The following PEBP4 variants were observed in gnomAD, a reference collection of about 807,000 sequenced individuals.
PEBP4 encodes phosphatidylethanolamine-binding protein 4.
In PEBP4, 22 loss-of-function variants were observed where a neutral mutation model predicts 23.9. The ratio of observed to expected loss-of-function variants is 0.92; its 90% CI spans 0.66 to 1.31. The LOEUF (loss-of-function observed/expected upper bound fraction) is 1.31. Among genes scored for constraint, PEBP4 ranks in the 40% most tolerant of loss-of-function variants. The probability of loss-of-function intolerance (pLI) is 0.00; values close to 1 mark genes in which losing one functional copy is unlikely to be tolerated. For missense variants in PEBP4, 324 were observed against 281.7 expected (o/e 1.15, Z -1.07); for synonymous variants, 112 against 99.3 (o/e 1.13, Z -0.76).
chr8:22,838,916 A>G (rs746020556), intron 3 of PEBP4, among the ~76,000 whole-genome samples: 2 of 152,220 alleles, frequency 1.3e-5, no homozygotes, highest in Non-Finnish European at 2.9e-5. Flanking sequence ...GTCCAGGTTA[A>G]CATGTAGCAT....
At chr8:22,919,688 G>C (rs1357443511) in intron 3 of PEBP4, among the ~76,000 whole-genome samples, 3 of 152,164 alleles carry the variant, frequency 2.0e-5, no homozygotes, top group Non-Finnish European at 4.4e-5. Flanking sequence ...ACAACAAAGC[G>C]TCAAGATGCA....
intron 3 of PEBP4, among the ~76,000 whole-genome samples, chr8:22,898,525 C>T (rs1224009828): frequency 6.6e-6 from 1 of 151,310 alleles, no homozygotes; most frequent in Admixed American, 6.6e-5. Context: ...CCATCAGTGG[C>T]TCAATCTAAT....
At chr8:22,837,640 AT>A (rs1362028534) in intron 3 of PEBP4, among the ~76,000 whole-genome samples, 1 of 152,104 alleles carries the variant, frequency 6.6e-6, no homozygotes, top group Non-Finnish European at 1.5e-5. Context: ...CTCCAGTGTG[AT>A]TCTTGCTTCC....
intron 3 of PEBP4, among the ~76,000 whole-genome samples, chr8:22,892,433 G>C (rs182004398): frequency 2.0e-5 from 3 of 152,262 alleles, no homozygotes; most frequent in African/African-American, 7.2e-5. Flanking sequence ...GGCCAGTTTG[G>C]TGGCTTCATT....
intron 2 of PEBP4, among the ~76,000 whole-genome samples, chr8:22,925,623 C>A (rs1373118942): frequency 6.6e-6 from 1 of 152,144 alleles, no homozygotes; most frequent in Non-Finnish European, 1.5e-5. Context: ...CACCAGGGCA[C>A]CAACATGTGA....
intron 6 of PEBP4, among the ~76,000 whole-genome samples, chr8:22,723,228 T>G (rs1336839101): frequency 2.0e-5 from 3 of 152,094 alleles, no homozygotes; most frequent in Non-Finnish European, 4.4e-5. Context: ...CCTTGCCTGG[T>G]CACCAACATC....
At chr8:22,756,765 C>G (rs1805391532) in intron 4 of PEBP4, among the ~76,000 whole-genome samples, 1 of 152,126 alleles carries the variant, frequency 6.6e-6, no homozygotes, top group South Asian at 2.1e-4. Context: ...TTCGGCTTGC[C>G]AAGGCTGGGA....
chr8:22,874,321 T>C (rs1025519871), intron 3 of PEBP4, among the ~76,000 whole-genome samples: 4 of 152,210 alleles, frequency 2.6e-5, no homozygotes, highest in African/African-American at 4.8e-5. Context: ...GGATTCATCA[T>C]TGACACTCAA....
At chr8:22,730,451 G>A (rs1804707637) in intron 4 of PEBP4, among the ~76,000 whole-genome samples, 1 of 152,258 alleles carries the variant, frequency 6.6e-6, no homozygotes, top group Non-Finnish European at 1.5e-5. Flanking sequence ...TGAGCTGGGA[G>A]GATCACCTGA....
At chr8:22,748,217 G>A (rs1167879890) in intron 4 of PEBP4, among the ~76,000 whole-genome samples, 1 of 152,122 alleles carries the variant, frequency 6.6e-6, no homozygotes, top group Admixed American at 6.5e-5. Flanking sequence ...AGGGGGCTGC[G>A]CTCAGGCTGC....
chr8:22,739,534 C>G (rs1444402173), intron 4 of PEBP4, among the ~76,000 whole-genome samples: 1 of 152,150 alleles, frequency 6.6e-6, no homozygotes, highest in Non-Finnish European at 1.5e-5. Flanking sequence ...CTCTCTAACT[C>G]CGGCTGGACA....
rs1807880560 is a variant in PEBP4, at chr8:22,865,704, C to G, written c.259-47969G>C. 6.6e-6 allele frequency among the ~76,000 whole-genome samples: 1 copy of G among 152,112 alleles called. No individual in the cohort carries two copies. The highest frequency in any genetic ancestry group is 1.5e-5 in the Non-Finnish European group (1 of 67,982). On this transcript the variant is annotated intron_variant, in intron 3 of 6. Transcript: ENST00000256404. The surrounding 1 kb of genome is among the most constrained non-coding windows in gnomAD (Gnocchi z 6.9). ...TCCAGCCACCTCCCGCCGCCCGGAT[C>G]CCAGAGGAAAGGGGAGAGGAATCTC...
At chr8:22,838,579 G>T (rs1291348935) in intron 3 of PEBP4, among the ~76,000 whole-genome samples, 2 of 152,248 alleles carry the variant, frequency 1.3e-5, no homozygotes, top group Non-Finnish European at 2.9e-5. Context: ...TCCACAGAAA[G>T]CACTGGTGGG....
At chr8:22,848,339 G>C (rs1323318095) in intron 3 of PEBP4, among the ~76,000 whole-genome samples, 2 of 152,294 alleles carry the variant, frequency 1.3e-5, no homozygotes, top group East Asian at 1.9e-4. Context: ...GGCAGGGGAG[G>C]GTTGTCTGCC....
intron 4 of PEBP4, among the ~76,000 whole-genome samples, chr8:22,801,964 T>C (rs1453606102): frequency 1.3e-5 from 2 of 152,092 alleles, no homozygotes; most frequent in East Asian, 3.9e-4. Flanking sequence ...ACTTCCATCC[T>C]CTTTGAAAGG....
chr8:22,891,729 C>T (rs925637396), intron 3 of PEBP4, among the ~76,000 whole-genome samples: 2 of 152,194 alleles, frequency 1.3e-5, no homozygotes, highest in African/African-American at 4.8e-5. Flanking sequence ...GTCTTCTGAC[C>T]CTTCCTCATC....
At chr8:22,717,489 G>A (rs1804438936) in intron 6 of PEBP4, among the ~76,000 whole-genome samples, 1 of 152,172 alleles carries the variant, frequency 6.6e-6, no homozygotes, top group Non-Finnish European at 1.5e-5. Flanking sequence ...TCTTAGCCTG[G>A]GAAGTGGGGT....
chr8:22,751,956 G>C (rs914580628), intron 4 of PEBP4, among the ~76,000 whole-genome samples: 1 of 152,182 alleles, frequency 6.6e-6, no homozygotes, highest in Admixed American at 6.5e-5. Flanking sequence ...GAATGCAGTG[G>C]TTTGATCATA....
At chr8:22,844,140 G>A (rs921061052) in intron 3 of PEBP4, among the ~76,000 whole-genome samples, 4 of 152,174 alleles carry the variant, frequency 2.6e-5, no homozygotes, top group Admixed American at 6.5e-5. Context: ...TCTATAAACC[G>A]GCATTTTCCA....
Sources: gnomAD v4.1 joint callset for allele counts (sites outside exome capture counted in the v4.1 genomes callset) on GRCh38, gnomAD v4.1.1 for gene constraint, Gnocchi (gnomAD v3.1) non-coding constraint, MANE v1.5 for transcripts, NCBI Gene and HGNC (gene_info 2026-07-23, HGNC 2026-07-21) for gene names.